Variants in FRK observed in about 807,000 individuals in gnomAD.
FRK encodes the protein tyrosine-protein kinase FRK.
A neutral mutation model predicts 56.4 loss-of-function variants in FRK; 51 were observed. The ratio of observed to expected loss-of-function variants is 0.90; its 90% confidence interval spans 0.72 to 1.14. The LOEUF (loss-of-function observed/expected upper bound fraction) is 1.14, where lower values mean the gene tolerates loss of function less well. Among genes scored for constraint, FRK ranks in the 50% most tolerant of loss-of-function variants. FRK has a pLI of 0.00. For synonymous variants in FRK, 245 were observed against 217.9 expected, an observed-to-expected ratio of 1.12 and a Z score of -1.10; for missense variants, 570 against 601.4, an observed-to-expected ratio of 0.95 and a Z score of 0.55.
intron 2 of FRK, among the ~76,000 whole-genome samples, chr6:115,988,653 T>A (rs895984779): frequency 6.6e-6 from 1 of 151,998 alleles, no homozygotes; most frequent in African/African-American, 2.4e-5. Flanking sequence ...CCCACAGATG[T>A]AAATTAAGAG....
chr6:115,959,060 G>C (rs187303919), intron 4 of FRK, among the ~76,000 whole-genome samples: 1 of 152,246 alleles, frequency 6.6e-6, no homozygotes, highest in Admixed American at 6.5e-5. Context: ...CCCAGCTGCA[G>C]AGTAAAGGAA....
In FRK at chr6:115,934,162, A is replaced by C. The variant is rs1319172855; in HGVS notation, c.*8252T>G. On this transcript the variant is annotated 3_prime_UTR_variant, in exon 8 of 8. Transcript: ENST00000606080. The stretch of plus-strand genomic sequence containing the variant: ...ACAGAGATAGATAATTCTAACCGTT[A>C]ATTCACCTCAGGGAATGTTCTCCTT... The C allele has an allele frequency of 6.6e-6, 1 of 152,170 alleles. No individual in the cohort carries two copies. The highest frequency in any genetic ancestry group is 1.5e-5 in the Non-Finnish European group (1 of 68,008). The allele number at this position is 152,170 out of a possible 1,614,324, so 9.4% of individuals were successfully genotyped here. A position where few individuals can be genotyped will look rare whatever the true frequency, so the allele number is the denominator to read the frequency against.
the FRK span, among the ~76,000 whole-genome samples, chr6:116,065,972 A>C: frequency 6.6e-6 from 1 of 152,182 alleles, no homozygotes; most frequent in Non-Finnish European, 1.5e-5. Context: ...TCTGTATCAC[A>C]AGGAAAATCT....
intron 1 of FRK, among the ~76,000 whole-genome samples, chr6:116,007,802 G>A (rs1775302121): frequency 1.3e-5 from 2 of 151,924 alleles, no homozygotes; most frequent in South Asian, 4.2e-4. Flanking sequence ...GCAATTTAAT[G>A]GTTTCAATAA....
intron 4 of FRK, among the ~76,000 whole-genome samples, chr6:115,958,686 AAG>A (rs1773143192): frequency 2.0e-4 from 1 of 4,938 alleles, no homozygotes; most frequent in Non-Finnish European, 4.4e-4. Context: ...GAAAGAAAGA[AAG>A]AAAGAAAGAA....
chr6:116,008,925 C>A (rs1225596814), intron 1 of FRK, among the ~76,000 whole-genome samples: 1 of 152,212 alleles, frequency 6.6e-6, no homozygotes, highest in Non-Finnish European at 1.5e-5. Context: ...AAAAGAAAAA[C>A]CTTAGACAAA....
chr6:116,008,202 T>G (rs1343009082), intron 1 of FRK, among the ~76,000 whole-genome samples: 1 of 152,200 alleles, frequency 6.6e-6, no homozygotes, highest in Non-Finnish European at 1.5e-5. Flanking sequence ...GCAGTTTTTA[T>G]AAATCAAATG....
At chr6:116,043,995 T>A (rs1053499287) in intron 1 of FRK, among the ~76,000 whole-genome samples, 1 of 152,162 alleles carries the variant, frequency 6.6e-6, no homozygotes, top group Non-Finnish European at 1.5e-5. Flanking sequence ...AAGAAATGGA[T>A]AAATTCCTGG....
In FRK at chr6:116,060,276, T is replaced by G. The variant is rs1162078642; in HGVS notation, c.36A>C (p.Leu12=). The G allele has an allele frequency of 6.2e-7, 1 of 1,614,022 alleles. No homozygotes were observed. Among genetic ancestry groups the G allele is most frequent in the East Asian group, 2.2e-5 (1 of 44,892 alleles). ...TGGACAAACAGGGGAGATAGGGTTC[T>G]AGGTACTCCCAGAGCCTCTGACAGA... ...SNICQRLWEY[L]EPYLPCLSTE... The change falls in exon 1 of 8, where the codon CTA becomes CTC. Residue 12 remains leucine (L), a synonymous_variant. Transcript: ENST00000606080.
chr6:116,054,449 A>G (rs1777299521), intron 1 of FRK, among the ~76,000 whole-genome samples: 1 of 144,702 alleles, frequency 6.9e-6, no homozygotes, highest in Non-Finnish European at 1.5e-5. Context: ...TATTATTTAT[A>G]CTATATTATA....
At chr6:116,016,518 C>T (rs937934351) in intron 1 of FRK, among the ~76,000 whole-genome samples, 4 of 152,102 alleles carry the variant, frequency 2.6e-5, no homozygotes, top group Admixed American at 2.0e-4. Context: ...CAGAGACACA[C>T]ACACATATAT....
At chr6:115,958,089 T>C (rs1042937849) in intron 4 of FRK, among the ~76,000 whole-genome samples, 2 of 152,218 alleles carry the variant, frequency 1.3e-5, no homozygotes, top group Non-Finnish European at 2.9e-5. Context: ...TACATGTTTC[T>C]GAGCTCCATC....
intron 1 of FRK, among the ~76,000 whole-genome samples, chr6:116,020,628 T>C (rs1775842037): frequency 6.6e-6 from 1 of 152,190 alleles, no homozygotes; most frequent in African/African-American, 2.4e-5. Context: ...AACATCATTT[T>C]GTATCATTTT....
At chr6:115,960,304 G>A (rs1773291785) in intron 4 of FRK, among the ~76,000 whole-genome samples, 1 of 150,832 alleles carries the variant, frequency 6.6e-6, no homozygotes. Context: ...GGAAAATCGG[G>A]TCACTCCCAC....
chr6:116,063,832 T>C (rs1777702501), upstream of FRK, among the ~76,000 whole-genome samples: 1 of 149,986 alleles, frequency 6.7e-6, no homozygotes. Flanking sequence ...GAAGGTAGTA[T>C]TTTTTTTTAA....
Position 116,060,113 on chromosome 6 carries a change from C to T in FRK, c.199G>A (p.Asp67Asn). The T allele has an allele frequency of 6.2e-7, 1 of 1,614,218 alleles. No individual in the cohort carries two copies. Among genetic ancestry groups the T allele is most frequent in the East Asian group, 2.2e-5 (1 of 44,886 alleles). The change falls in exon 1 of 8, where the codon GAC (aspartate) becomes AAC (asparagine). Residue 67 changes from aspartate to asparagine, a missense_variant. Transcript: ENST00000606080. The stretch of plus-strand genomic sequence containing the variant: ...AAAGTGTCCAGAACTTGAAGTTTGT[C>T]ACCTGCTCGGAAGCTCAAGTCCTCA... ...TAEDLSFRAGDKLQVLDTLHE... is the reference protein window; with the variant it reads ...TAEDLSFRAGNKLQVLDTLHE...
intron 1 of FRK, among the ~76,000 whole-genome samples, chr6:116,004,274 G>A (rs967444141): frequency 6.6e-6 from 1 of 152,002 alleles, no homozygotes; most frequent in African/African-American, 2.4e-5. Context: ...GAGAGGTCCT[G>A]AGCCTTCCCT....
chr6:116,069,659 G>A, the FRK span, among the ~76,000 whole-genome samples: 287 of 152,142 alleles, frequency 1.9e-3, 1 homozygote, highest in African/African-American at 6.5e-3. Context: ...GCTTAGTTTC[G>A]TAGATCAAAC....
Position 115,932,855 on chromosome 6 carries a change from G to C in FRK, c.*9559C>G, listed in dbSNP as rs1196104563. On this transcript the variant is annotated 3_prime_UTR_variant, in exon 8 of 8. Coordinates refer to ENST00000606080, the MANE Select transcript of FRK (RefSeq NM_002031.3). ...AGTTTGGGCCCCTCCTGGTTCATTA[G>C]ATCCACATGGTCATCATACAGATAT... 2 of 152,240 alleles carry C rather than the reference G, an allele frequency of 1.3e-5. No homozygotes were observed. The highest frequency in any genetic ancestry group is 4.8e-5 in the African/African-American group (2 of 41,452). 9.4% of individuals were successfully genotyped at this position (152,240 alleles called of 1,614,324 possible).
Sources: allele counts gnomAD v4.1 joint callset (sites outside exome capture counted in the v4.1 genomes callset), GRCh38; gene constraint gnomAD v4.1.1; transcripts MANE v1.5; gene names NCBI Gene and HGNC (gene_info 2026-07-23, HGNC 2026-07-21).